Variants in CFAP74 observed in about 807,000 individuals in gnomAD.
CFAP74 encodes the protein cilia and flagella associated protein 74, also known as cilia- and flagella-associated protein 74.
In CFAP74, 124 loss-of-function variants were observed where a neutral mutation model predicts 188.9. The observed-to-expected ratio is 0.66, with a 90% CI of 0.57 to 0.76. The LOEUF (loss-of-function observed/expected upper bound fraction) is 0.76. Ranked by LOEUF, CFAP74 falls within the 30% of genes least tolerant of loss-of-function variation. CFAP74 has a pLI of 0.00. For missense variants in CFAP74, 2,198 were observed against 2,165.2 expected, an observed-to-expected ratio of 1.02 and a Z score of -0.30; for synonymous variants, 956 against 916.7, an observed-to-expected ratio of 1.04 and a Z score of -0.77.
chr1:1,991,005 A>C (rs772231207), intron 1 of CFAP74, 30 bp from the exon 2 acceptor site: 39 of 1,413,070 alleles, frequency 2.8e-5, no homozygotes, highest in Non-Finnish European at 3.7e-5. Context: ...AATATAGATC[A>C]ATAAAATCAT....
chr1:1,967,499 G>A (rs13303138), intron 11 of CFAP74, among the ~76,000 whole-genome samples: 62,635 of 151,098 alleles, frequency 0.41, 13,210 homozygotes, highest in Middle Eastern at 0.45. Flanking sequence ...TGCTCCTGGC[G>A]GAGGGATCGG....
intron 1 of CFAP74, among the ~76,000 whole-genome samples, chr1:1,991,832 G>A (rs1226175889): frequency 2.0e-5 from 3 of 151,988 alleles, no homozygotes; most frequent in Non-Finnish European, 4.4e-5. Flanking sequence ...GAGGTCAGGA[G>A]ATCGAGACTA....
At chr1:1,950,471 C>G (rs760739392) in intron 18 of CFAP74, among the ~76,000 whole-genome samples, 5 of 152,024 alleles carry the variant, frequency 3.3e-5, no homozygotes, top group Non-Finnish European at 5.9e-5. Context: ...TCCCGAGTAG[C>G]TGGGATTACA....
At chr1:1,960,142 G>C (rs1185479279) in intron 14 of CFAP74, 112 bp from the exon 15 acceptor site, 1 of 897,538 alleles carries the variant, frequency 1.1e-6, no homozygotes, top group Non-Finnish European at 1.7e-6. Flanking sequence ...CCCATCCCGG[G>C]CCTGGCCCCC....
At chr1:1,954,732 G>C (rs1337919757) in intron 18 of CFAP74, 4 of 958,974 alleles carry the variant, frequency 4.2e-6, no homozygotes, top group Non-Finnish European at 5.1e-6. Flanking sequence ...GCAGTGAGCT[G>C]TGACTGCACC....
At chr1:1,922,460 C>T (rs1651458101) in intron 38 of CFAP74, 72 bp from the exon 39 acceptor site, 2 of 1,543,202 alleles carry the variant, frequency 1.3e-6, no homozygotes, top group Non-Finnish European at 1.8e-6. Context: ...TGTCTTCCCA[C>T]TGCCCTGCCC....
At chr1:1,924,659 C>T (rs752965) in intron 33 of CFAP74, 139 bp from the exon 34 acceptor site, 215,147 of 848,030 alleles carry the variant, frequency 0.25, 29,981 homozygotes, top group African/African-American at 0.41. Context: ...CGCCAGCACA[C>T]GTGGCGGTTT....
intron 16 of CFAP74, 21 bp downstream of exon 16, chr1:1,959,099 C>G: frequency 6.4e-7 from 1 of 1,573,430 alleles, no homozygotes; most frequent in Non-Finnish European, 8.7e-7. Context: ...GAAATGCTGG[C>G]TCGGACACCT....
chr1:1,989,207 C>T lies in CFAP74; in HGVS notation c.68-234G>A, dbSNP rs961754441. On this transcript the variant is annotated intron_variant, in intron 2 of 38. Coordinates refer to ENST00000682832, the MANE Select transcript of CFAP74 (RefSeq NM_001304360.2). ...GACATCCGTCTTTGCAGACGGACAG[C>T]GGGGAGCAAGGGCACAGCACCGCTT... Among the ~76,000 whole-genome samples, 9 of 152,086 alleles carry T rather than the reference C, an allele frequency of 5.9e-5. No individual in the cohort carries two copies. The South Asian group carries it at 1.0e-3, about 18-fold the overall frequency.
Position 1,988,917 on chromosome 1 carries a change from C to T in CFAP74, c.124G>A (p.Glu42Lys), listed in dbSNP as rs755964353. 1 of 1,568,826 alleles carries T rather than the reference C, an allele frequency of 6.4e-7. No homozygotes were observed. The highest frequency in any genetic ancestry group is 1.7e-5 in the Admixed American group (1 of 58,276). Residue 42 changes from glutamate (E) to lysine (K), a missense_variant, in exon 3 of 39, where the codon GAG becomes AAG. By Grantham distance (56) the Glu-to-Lys change is moderately conservative. Coordinates refer to ENST00000682832, the MANE Select transcript of CFAP74 (RefSeq NM_001304360.2). ...CTGTGTCCCGGGTCCACGTCATCCT[C>T]AGCTTCCTGTAGAAGACATTTGATG... ...FDIKCLLQEA[E>K]DDVDPGHSSS...
intron 11 of CFAP74, 68 bp from the exon 12 acceptor site, chr1:1,966,594 C>G: frequency 7.4e-7 from 1 of 1,349,062 alleles, no homozygotes; most frequent in Non-Finnish European, 9.6e-7. Context: ...GAAACTCGGC[C>G]CAGCCCCCGC....
chr1:1,978,169 T>C (rs1656571159), intron 6 of CFAP74, among the ~76,000 whole-genome samples: 1 of 152,220 alleles, frequency 6.6e-6, no homozygotes, highest in Admixed American at 6.5e-5. Context: ...TGACAGTGAG[T>C]GTGACCACAT....
chr1:1,971,125 ACG>A (rs1655985293), intron 9 of CFAP74, among the ~76,000 whole-genome samples: 1 of 148,202 alleles, frequency 6.7e-6, no homozygotes, highest in Non-Finnish European at 1.5e-5. Context: ...ACATGCTCAC[ACG>A]TGCACACACA....
At chr1:1,970,918 T>A in intron 9 of CFAP74, 102 bp from the exon 10 acceptor site, 2 of 1,313,332 alleles carry the variant, frequency 1.5e-6, no homozygotes, top group Admixed American at 3.7e-5. Flanking sequence ...CATGCACACG[T>A]GCACACACGT....
chr1:1,938,772 G>A lies in CFAP74; in HGVS notation c.3011+83C>T, dbSNP rs939849261. 14 of 1,454,322 alleles carry A rather than the reference G, an allele frequency of 9.6e-6. No individual in the cohort carries two copies. In the Admixed American group the frequency reaches 2.6e-4, roughly 27 times the overall value. 90.1% of individuals were successfully genotyped at this position (1,454,322 alleles called of 1,614,324 possible). A position where few individuals can be genotyped will look rare whatever the true frequency, so the allele number is the denominator to read the frequency against. On this transcript the variant is annotated intron_variant, in intron 25 of 38. Transcript: ENST00000682832. ...AGCCAGGCAGATGGGGTCAGGGGCG[G>A]GGATGTGGTGGAGCTGGGAAGGGGG...
At chr1:1,993,808 C>T (rs1247117411) in intron 1 of CFAP74, among the ~76,000 whole-genome samples, 1 of 151,036 alleles carries the variant, frequency 6.6e-6, no homozygotes, top group Non-Finnish European at 1.5e-5. Context: ...CAATGAAACC[C>T]CACCTCTACT....
rs1451362860 is a variant in CFAP74 at position 1,965,022 on chromosome 1, T to G, written c.1441A>C (p.Thr481Pro). 6.2e-7 allele frequency: 1 copy of G among 1,613,844 alleles called. No homozygotes were observed. The highest frequency in any genetic ancestry group is 1.7e-5 in the Admixed American group (1 of 59,980). Residue 481 changes from threonine to proline, a missense_variant, in exon 13 of 39, where the codon ACA becomes CCA. Physicochemically the swap from Thr to Pro is conservative, Grantham distance 38. Coordinates refer to ENST00000682832, the MANE Select transcript of CFAP74 (RefSeq NM_001304360.2). ...EDVDRKPVGG[T>P]KMDKDILERT... ...TCCAGGATGTCCTTGTCCATCTTTG[T>G]CCCGCCCACGGGCTTTCGGTCCACG...
chr1:1,986,973 G>T lies in CFAP74; in HGVS notation c.359C>A (p.Ala120Glu). The T allele has an allele frequency of 6.2e-7, 1 of 1,601,818 alleles. No homozygotes were observed. The highest frequency in any genetic ancestry group is 8.5e-7 in the Non-Finnish European group (1 of 1,179,708). The change falls in exon 5 of 39, where the codon GCA becomes GAA. Residue 120 changes from alanine to glutamate, a missense_variant. By Grantham distance (107) the Ala-to-Glu change is moderately radical. Coordinates refer to ENST00000682832, the MANE Select transcript of CFAP74 (RefSeq NM_001304360.2). ...CTCTTCCTCTGTGGCGATCTCGGCT[G>T]CCACAGCCTCCTGCTGCTTGTCGAT... ...DLIDKQQEAV[A>E]AEIATEEEAG...
chr1:1,980,537 C>T (rs1043751079), intron 6 of CFAP74, among the ~76,000 whole-genome samples: 1 of 152,240 alleles, frequency 6.6e-6, no homozygotes. Context: ...CCTGCGCAGG[C>T]GCTGAGGACC....
Sources: gnomAD v4.1 joint callset for allele counts (sites outside exome capture counted in the v4.1 genomes callset) on GRCh38, gnomAD v4.1.1 for gene constraint, MANE v1.5 for transcripts, NCBI Gene and HGNC (gene_info 2026-07-23, HGNC 2026-07-21) for gene names.